The following H3-3A variants were observed in gnomAD, a reference collection of about 807,000 sequenced individuals.
The protein encoded by H3-3A is H3.3 histone A, also known as histone H3.3.
For missense variants in H3-3A, 7 were observed against 184.0 expected (o/e 0.04, Z 5.57); for synonymous variants, 49 against 61.4 (o/e 0.80, Z 0.95).
intron 3 of H3-3A, among the ~76,000 whole-genome samples, chr1:226,069,049 C>CT (rs71574557): frequency 0.058 from 8,256 of 141,594 alleles, 330 homozygotes; most frequent in Admixed American, 0.13. Flanking sequence ...GTGAAAGTAC[C>CT]TTTTTTTTTT....
intron 3 of H3-3A, among the ~76,000 whole-genome samples, chr1:226,069,704 G>A (rs1373423227): frequency 6.6e-6 from 1 of 152,122 alleles, no homozygotes; most frequent in Non-Finnish European, 1.5e-5. Flanking sequence ...GATGGTGCAT[G>A]CCTGTAATCC....
At chr1:226,068,956 AAC>A (rs1429466082) in intron 3 of H3-3A, among the ~76,000 whole-genome samples, 4 of 152,350 alleles carry the variant, frequency 2.6e-5, no homozygotes, top group African/African-American at 7.2e-5. Flanking sequence ...ATGCTGGAGA[AAC>A]ACACGTGAAA....
chr1:226,071,690 T>C lies in H3-3A; in HGVS notation c.*211T>C. On this transcript the variant is annotated 3_prime_UTR_variant, in exon 4 of 4. Transcript: ENST00000366815. ...TTTGTGTGTGAATTTTTAATATAAATGCGGAGACGTAAAGCATTAATGCAA... is the reference window on the plus strand; with the variant it reads ...TTTGTGTGTGAATTTTTAATATAAACGCGGAGACGTAAAGCATTAATGCAA... 1 of 319,358 alleles carries C rather than the reference T, an allele frequency of 3.1e-6. No homozygotes were observed. Among genetic ancestry groups the C allele is most frequent in the Admixed American group, 5.7e-5 (1 of 17,556 alleles). The allele number at this position is 319,358 out of a possible 1,614,324, so 19.8% of individuals were successfully genotyped here. A position where few individuals can be genotyped will look rare whatever the true frequency, so the allele number is the denominator to read the frequency against.
At chr1:226,065,509 A>G in intron 2 of H3-3A, 147 bp from the exon 3 acceptor site, 1 of 563,106 alleles carries the variant, frequency 1.8e-6, no homozygotes, top group Non-Finnish European at 3.2e-6. Context: ...TCACATCTTA[A>G]GTTGATCAGT....
chr1:226,069,736 C>G (rs914512358), intron 3 of H3-3A, among the ~76,000 whole-genome samples: 1 of 152,162 alleles, frequency 6.6e-6, no homozygotes. Flanking sequence ...GAGGCTGAGG[C>G]AGGAGAATTG....
At chr1:226,063,297 G>A (rs773249699) in intron 1 of H3-3A, among the ~76,000 whole-genome samples, 30 of 152,018 alleles carry the variant, frequency 2.0e-4, no homozygotes, top group Non-Finnish European at 3.2e-4. Context: ...CTCTTCTCTG[G>A]TCACCGACCA....
intron 3 of H3-3A, among the ~76,000 whole-genome samples, chr1:226,068,221 G>A (rs1657988443): frequency 6.6e-6 from 1 of 152,144 alleles, no homozygotes; most frequent in African/African-American, 2.4e-5. Flanking sequence ...GGAAATGTAT[G>A]GGTCATGGTC....
intron 1 of H3-3A, among the ~76,000 whole-genome samples, chr1:226,063,814 C>G (rs538284272): frequency 3.3e-5 from 5 of 150,678 alleles, no homozygotes; most frequent in Admixed American, 1.3e-4. Context: ...TTTTTCGAGA[C>G]GCCTTTTTGT....
At chr1:226,068,587 A>G (rs1462004943) in intron 3 of H3-3A, among the ~76,000 whole-genome samples, 2 of 152,230 alleles carry the variant, frequency 1.3e-5, no homozygotes, top group Non-Finnish European at 2.9e-5. Context: ...CTTCTAGAAT[A>G]TCTTAAGAAC....
In H3-3A at chr1:226,067,177, A is replaced by G. The variant is rs967230901; in HGVS notation, c.282+1368A>G. The G allele has an allele frequency of 3.3e-5, 5 of 152,342 alleles. No individual in the cohort carries two copies. The East Asian group carries it at 9.6e-4, about 29-fold the overall frequency. The allele number at this position is 152,342 out of a possible 1,614,324, so 9.4% of individuals were successfully genotyped here. A position where few individuals can be genotyped will look rare whatever the true frequency, so the allele number is the denominator to read the frequency against. ...GAAAAGTGTAGCGTTTTTAGCTTAA[A>G]TGTCAATAATGTAGCCTTTTAAATT... On this transcript the variant is annotated intron_variant, in intron 3 of 3. Coordinates refer to ENST00000366815, the MANE Select transcript of H3-3A (RefSeq NM_002107.7).
chr1:226,068,237 C>T, intron 3 of H3-3A, among the ~76,000 whole-genome samples: 1 of 152,154 alleles, frequency 6.6e-6, no homozygotes, highest in Non-Finnish European at 1.5e-5. Flanking sequence ...TGGTCAGATC[C>T]TCTCGTAGGA....
intron 2 of H3-3A, among the ~76,000 whole-genome samples, chr1:226,065,148 C>A (rs547058848): frequency 1.2e-4 from 18 of 152,194 alleles, no homozygotes; most frequent in Middle Eastern, 3.2e-3. Context: ...ACTGCACAAT[C>A]GGGTGTATTC....
rs1335823886 is a variant in H3-3A at position 226,071,810 on chromosome 1, AT to A, written c.*338del. Reference sequence around the variant, plus strand: ...TTTTCTGGACAATGCCAGCATTTGGATTTTTTTAAAACAAGTAAATTTCTTA... The same window carrying A: ...TTTTCTGGACAATGCCAGCATTTGGATTTTTTAAAACAAGTAAATTTCTTA... On this transcript the variant is annotated 3_prime_UTR_variant, in exon 4 of 4. Transcript: ENST00000366815. The A allele has an allele frequency of 1.9e-5, 4 of 213,344 alleles. No homozygotes were observed. Among genetic ancestry groups the A allele is most frequent in the African/African-American group, 9.8e-5 (4 of 40,916 alleles). 13.2% of individuals were successfully genotyped at this position (213,344 alleles called of 1,614,324 possible).
At position 226,064,322 on chromosome 1, in the gene H3-3A, C is replaced by T. The variant is rs376494719; in HGVS notation, c.-23-7C>T. 43 of 1,601,036 alleles carry T rather than the reference C, an allele frequency of 2.7e-5. No individual in the cohort carries two copies. In the Middle Eastern group the frequency reaches 5.0e-4, roughly 19 times the overall value. ...TATGGTGATTTTTGATTTTTCAATG[C>T]TGGTAGGTAAGTAAGGAGGTCTCTG... On this transcript the variant is annotated splice_polypyrimidine_tract_variant and splice_region_variant and intron_variant, in intron 1 of 3. Transcript: ENST00000366815.
chr1:226,063,534 A>G (rs1657812897), intron 1 of H3-3A, among the ~76,000 whole-genome samples: 1 of 151,988 alleles, frequency 6.6e-6, no homozygotes, highest in African/African-American at 2.4e-5. Flanking sequence ...GATTGTTTCC[A>G]TTTTGTTCTG....
chr1:226,070,714 A>C (rs1658085910), intron 3 of H3-3A, among the ~76,000 whole-genome samples: 1 of 152,300 alleles, frequency 6.6e-6, no homozygotes, highest in East Asian at 1.9e-4. Flanking sequence ...TGGAGGTTGC[A>C]GTGAGCCGAG....
At chr1:226,070,835 T>C (rs1044696044) in intron 3 of H3-3A, among the ~76,000 whole-genome samples, 9 of 152,168 alleles carry the variant, frequency 5.9e-5, no homozygotes, top group African/African-American at 1.7e-4. Flanking sequence ...AGTACTCTTA[T>C]GATAAAACAG....
intron 3 of H3-3A, among the ~76,000 whole-genome samples, chr1:226,069,430 T>C (rs555133587): frequency 2.0e-5 from 3 of 152,346 alleles, no homozygotes; most frequent in African/African-American, 4.8e-5. Flanking sequence ...GAAATAACTT[T>C]TCCTTATAGA....
intron 1 of H3-3A, among the ~76,000 whole-genome samples, chr1:226,063,547 C>T (rs1337033562): frequency 6.6e-6 from 1 of 152,100 alleles, no homozygotes. Context: ...TTGTTCTGGT[C>T]GGGGAGCCGA....
Sources: allele counts gnomAD v4.1 joint callset (sites outside exome capture counted in the v4.1 genomes callset), GRCh38; gene constraint gnomAD v4.1.1; transcripts MANE v1.5; gene names NCBI Gene and HGNC (gene_info 2026-07-23, HGNC 2026-07-21).